TRIQK: variants seen among roughly 807,000 people sequenced by gnomAD.
The protein encoded by TRIQK is triple QxxK/R motif containing.
In TRIQK, 10 loss-of-function variants were observed where a neutral mutation model predicts 10.8. The observed-to-expected ratio is 0.92, with a 90% CI of 0.57 to 1.57. The LOEUF is 1.57. Ranked by LOEUF, TRIQK falls within the 40% of genes most tolerant of loss-of-function variation. The pLI, the probability that TRIQK is intolerant of heterozygous loss-of-function variation, is 0.00. For missense variants in TRIQK, 107 were observed against 97.7 expected (o/e 1.09, Z -0.40); for synonymous variants, 33 against 33.7 (o/e 0.98, Z 0.07).
At chr8:92,903,996 G>A (rs1461669042) in intron 3 of TRIQK, among the ~76,000 whole-genome samples, 1 of 152,008 alleles carries the variant, frequency 6.6e-6, no homozygotes, top group Non-Finnish European at 1.5e-5. Flanking sequence ...TCCTTAATAA[G>A]ATTTCATTTG....
At chr8:92,911,818 CATGTAT>C (rs964276663) in intron 3 of TRIQK, among the ~76,000 whole-genome samples, 10 of 148,642 alleles carry the variant, frequency 6.7e-5, no homozygotes, top group Admixed American at 4.1e-4. Flanking sequence ...TATGTACATA[CATGTAT>C]ATGTATATAT....
intron 4 of TRIQK, among the ~76,000 whole-genome samples, chr8:92,888,079 C>T (rs1384412644): frequency 6.6e-6 from 1 of 151,632 alleles, no homozygotes; most frequent in African/African-American, 2.4e-5. Context: ...ATATCCACAG[C>T]TGTGTTCCCA....
At chr8:92,999,337 T>A (rs945837075) in intron 1 of TRIQK, among the ~76,000 whole-genome samples, 2 of 152,182 alleles carry the variant, frequency 1.3e-5, no homozygotes, top group Non-Finnish European at 1.5e-5. Flanking sequence ...TTTCAATCTA[T>A]TAGCTAAGGA....
At chr8:92,910,464 A>G (rs570968542) in intron 3 of TRIQK, among the ~76,000 whole-genome samples, 1 of 151,144 alleles carries the variant, frequency 6.6e-6, no homozygotes, top group East Asian at 1.9e-4. Flanking sequence ...TTAGCAAAGG[A>G]AAAATCACTA....
chr8:93,002,283 G>C (rs1325403821), intron 1 of TRIQK, among the ~76,000 whole-genome samples: 1 of 151,938 alleles, frequency 6.6e-6, no homozygotes, highest in Non-Finnish European at 1.5e-5. Context: ...TATCAGAGCA[G>C]AAATAAAGAC....
In TRIQK at chr8:92,985,445, C is replaced by G. The variant is rs544889660; in HGVS notation, c.-180-30881G>C. 4.1e-4 allele frequency among the ~76,000 whole-genome samples: 62 copies of G among 152,268 alleles called. 2 individuals are homozygous for G. The South Asian group carries it at 0.012, about 31-fold the overall frequency. ...ATTTCCTAGTAGCTACCATCATATA[C>G]TATGGTGTAGGTGAAATTAATGAAC... is the stretch of plus-strand genomic sequence containing the variant. On this transcript the variant is annotated intron_variant, in intron 1 of 4. Coordinates refer to the TRIQK transcript ENST00000520686.
At chr8:92,946,110 A>C (rs538043559) in intron 2 of TRIQK, among the ~76,000 whole-genome samples, 1 of 152,266 alleles carries the variant, frequency 6.6e-6, no homozygotes, top group South Asian at 2.1e-4. Flanking sequence ...TGAGTAAATT[A>C]TTTCTCAAGT....
intron 1 of TRIQK, among the ~76,000 whole-genome samples, chr8:93,011,898 C>G (rs1813339313): frequency 6.6e-6 from 1 of 152,086 alleles, no homozygotes; most frequent in African/African-American, 2.4e-5. Context: ...CATTCTCTTA[C>G]CCACCACCCT....
At chr8:93,009,675 T>C (rs560605636) in intron 1 of TRIQK, among the ~76,000 whole-genome samples, 2 of 151,948 alleles carry the variant, frequency 1.3e-5, no homozygotes, top group East Asian at 3.9e-4. Context: ...TTACACAGGC[T>C]ATTCAGAATG....
upstream of TRIQK, among the ~76,000 whole-genome samples, chr8:92,969,527 G>A (rs1281991247): frequency 6.7e-6 from 1 of 149,458 alleles, no homozygotes; most frequent in East Asian, 2.0e-4. Flanking sequence ...TGCTCTAAAT[G>A]TTGATTATAG....
In TRIQK at chr8:92,884,680, CTG is replaced by C; in HGVS notation, c.*1940_*1941del. ...CCAGCCATTTTAAGTACTGTAAACTCTGTTATATTTCATTTGGATAAGTATCT... is the reference window on the plus strand; with the variant it reads ...CCAGCCATTTTAAGTACTGTAAACTCTTATATTTCATTTGGATAAGTATCT... On this transcript the variant is annotated 3_prime_UTR_variant, in exon 5 of 5. Coordinates refer to ENST00000521988, the MANE Select transcript of TRIQK (RefSeq NM_001171797.2). 1 of 367,296 alleles carries C rather than the reference CTG, an allele frequency of 2.7e-6. No individual in the cohort carries two copies. Among genetic ancestry groups the C allele is most frequent in the Admixed American group, 3.3e-5 (1 of 30,536 alleles). 22.8% of individuals were successfully genotyped at this position (367,296 alleles called of 1,614,324 possible).
rs895175408 is a variant in TRIQK at position 92,884,698 on chromosome 8, A to G, written c.*1924T>C. On this transcript the variant is annotated 3_prime_UTR_variant, in exon 5 of 5. Coordinates refer to ENST00000521988, the MANE Select transcript of TRIQK (RefSeq NM_001171797.2). ...GTAAACTCTGTTATATTTCATTTGG[A>G]TAAGTATCTAATAAGCAATTATTAC... The G allele has an allele frequency of 5.3e-6, 2 of 378,832 alleles. No individual in the cohort carries two copies. Among genetic ancestry groups the G allele is most frequent in the African/African-American group, 4.2e-5 (2 of 47,488 alleles). The allele number at this position is 378,832 out of a possible 1,614,324, so 23.5% of individuals were successfully genotyped here.
At chr8:92,993,382 A>G (rs778529041) in intron 1 of TRIQK, among the ~76,000 whole-genome samples, 11 of 152,160 alleles carry the variant, frequency 7.2e-5, no homozygotes, top group Non-Finnish European at 1.5e-4. Flanking sequence ...AGAAAAAGCA[A>G]TGAGATGGTC....
At chr8:93,002,191 C>T (rs990944175) in intron 1 of TRIQK, among the ~76,000 whole-genome samples, 1 of 151,886 alleles carries the variant, frequency 6.6e-6, no homozygotes, top group Admixed American at 6.6e-5. Flanking sequence ...AATAAACAGC[C>T]AAACATTGCA....
At chr8:92,948,146 T>C (rs938918443) in intron 2 of TRIQK, among the ~76,000 whole-genome samples, 7 of 152,212 alleles carry the variant, frequency 4.6e-5, no homozygotes, top group Middle Eastern at 3.2e-3. Flanking sequence ...ACAAAGATTA[T>C]GCTTACATTT....
chr8:92,921,048 A>G (rs1810153552), intron 2 of TRIQK, among the ~76,000 whole-genome samples: 1 of 151,728 alleles, frequency 6.6e-6, no homozygotes, highest in Non-Finnish European at 1.5e-5. Context: ...TATCATCACA[A>G]TGGACCAATG....
intron 2 of TRIQK, among the ~76,000 whole-genome samples, chr8:92,942,081 C>T (rs553312481): frequency 5.9e-5 from 9 of 151,876 alleles, no homozygotes; most frequent in African/African-American, 1.7e-4. Flanking sequence ...TCTATGAGGC[C>T]GTAATTACTC....
At chr8:92,985,892 C>G (rs990687266) in intron 1 of TRIQK, among the ~76,000 whole-genome samples, 1 of 152,138 alleles carries the variant, frequency 6.6e-6, no homozygotes, top group African/African-American at 2.4e-5. Flanking sequence ...TTGTCACACA[C>G]TGCCAGAGTT....
intron 2 of TRIQK, among the ~76,000 whole-genome samples, chr8:92,918,142 G>A (rs1809967309): frequency 6.6e-6 from 1 of 152,094 alleles, no homozygotes; most frequent in Admixed American, 6.6e-5. Flanking sequence ...TGCTAAGGTT[G>A]ATTCCATATC....
Sources: allele counts gnomAD v4.1 joint callset (sites outside exome capture counted in the v4.1 genomes callset), GRCh38; gene constraint gnomAD v4.1.1; transcripts MANE v1.5; gene names NCBI Gene and HGNC (gene_info 2026-07-23, HGNC 2026-07-21).